Variants in BRSK2 observed in about 807,000 individuals in gnomAD.
BRSK2 encodes BR serine/threonine kinase 2, also known as serine/threonine-protein kinase BRSK2.
Under a neutral mutation model 83.3 loss-of-function variants are expected in BRSK2, and 19 were observed. The observed-to-expected ratio is 0.23, with a 90% CI of 0.16 to 0.33. The LOEUF (loss-of-function observed/expected upper bound fraction) is 0.33. Ranked by LOEUF, BRSK2 falls within the 10% of genes least tolerant of loss-of-function variation. The probability of loss-of-function intolerance (pLI) is 1.00; values close to 1 mark genes in which losing one functional copy is unlikely to be tolerated. For missense variants in BRSK2, 798 were observed against 1,042.3 expected (o/e 0.77, Z 3.23); for synonymous variants, 519 against 435.4 (o/e 1.19, Z -2.39).
intron 5 of BRSK2, 44 bp downstream of exon 5, chr11:1,442,650 G>A (rs761136668): frequency 2.0e-6 from 3 of 1,515,310 alleles, no homozygotes; most frequent in East Asian, 4.5e-5. Context: ...GGACAGGCTG[G>A]GCTGGGGGAA....
In BRSK2 at chr11:1,454,147, G is replaced by A. The variant is rs547742712; in HGVS notation, c.1545-338G>A. The A allele has an allele frequency of 4.8e-4, 94 of 196,926 alleles. No homozygotes were observed. The highest frequency in any genetic ancestry group is 1.9e-3 in the African/African-American group (84 of 43,292). 12.2% of individuals were successfully genotyped at this position (196,926 alleles called of 1,614,324 possible). On this transcript the variant is annotated intron_variant, in intron 15 of 19. Coordinates refer to ENST00000528841, the MANE Select transcript of BRSK2 (RefSeq NM_001256627.2). This position sits in a 1 kb window ranked among gnomAD's most constrained non-coding sequence, Gnocchi z 5.2. The stretch of plus-strand genomic sequence containing the variant: ...CCCAGCTTGAGCCACCTCTCACAGC[G>A]GCCTTGGTGAGGGGGGGCTCACCTG...
chr11:1,418,936 A>G (rs1330780831), intron 1 of BRSK2, among the ~76,000 whole-genome samples: 1 of 152,190 alleles, frequency 6.6e-6, no homozygotes, highest in Non-Finnish European at 1.5e-5. Flanking sequence ...TTTTTTCTGT[A>G]GTGCCATAAG....
chr11:1,406,549 G>T (rs1466640723), intron 1 of BRSK2, among the ~76,000 whole-genome samples: 1 of 152,230 alleles, frequency 6.6e-6, no homozygotes, highest in East Asian at 1.9e-4. Context: ...ATTGCATGGG[G>T]GGCGAGCGGA....
chr11:1,397,963 G>A (rs1846224376), intron 1 of BRSK2, among the ~76,000 whole-genome samples: 1 of 152,182 alleles, frequency 6.6e-6, no homozygotes, highest in East Asian at 1.9e-4. Flanking sequence ...GGCCCTGGAG[G>A]GCAGGCTGGC....
At chr11:1,460,429 CCTCTTT>C in intron 19 of BRSK2, 65 bp from the exon 20 acceptor site, 2 of 1,009,692 alleles carry the variant, frequency 2.0e-6, no homozygotes. Flanking sequence ...TCCCTCCCCT[CCTCTTT>C]CTCTCCCCCT....
At chr11:1,443,769 G>C in intron 8 of BRSK2, 134 bp downstream of exon 8, 4 of 1,194,232 alleles carry the variant, frequency 3.3e-6, no homozygotes, top group Non-Finnish European at 4.5e-6. Context: ...CAGGTGTGTG[G>C]ACGTGTGCAC....
In BRSK2 at chr11:1,423,401, T is replaced by C. The variant is rs1055313015; in HGVS notation, c.92-12639T>C. 6.6e-6 allele frequency among the ~76,000 whole-genome samples: 1 copy of C among 151,818 alleles called. No homozygotes were observed. Among genetic ancestry groups the C allele is most frequent in the African/African-American group, 2.4e-5 (1 of 41,334 alleles). On this transcript the variant is annotated intron_variant, in intron 1 of 19. Coordinates refer to ENST00000528841, the MANE Select transcript of BRSK2 (RefSeq NM_001256627.2). This position sits in a 1 kb window ranked among gnomAD's most constrained non-coding sequence, Gnocchi z 6.5. ...GCCAGGTTCAGGCACGTGGAGAGTGTGTGTGGGGAGAAGTTCTGAGACTGT... is the reference window on the plus strand; with the variant it reads ...GCCAGGTTCAGGCACGTGGAGAGTGCGTGTGGGGAGAAGTTCTGAGACTGT...
At chr11:1,435,894 C>T (rs1326210950) in intron 1 of BRSK2, 146 bp from the exon 2 acceptor site, 1 of 592,812 alleles carries the variant, frequency 1.7e-6, no homozygotes, top group Non-Finnish European at 3.0e-6. Context: ...GACAGCGACC[C>T]AGGCGGGCAG....
rs749656555 is a variant in BRSK2, at chr11:1,411,051, G to A, written c.91+20676G>A. The A allele has an allele frequency of 9.2e-5, 100 of 1,087,040 alleles. No individual in the cohort carries two copies. In the Middle Eastern group the frequency reaches 2.8e-3, roughly 30 times the overall value. The allele number at this position is 1,087,040 out of a possible 1,614,324, so 67.3% of individuals were successfully genotyped here. On this transcript the variant is annotated intron_variant, in intron 1 of 19. Transcript: ENST00000528841. Reference sequence around the variant, plus strand: ...TTCTGCTCCCATCACCATGGCAACAGATGGAGATTTGGCAGGAAGGAGGAG... The same window carrying A: ...TTCTGCTCCCATCACCATGGCAACAAATGGAGATTTGGCAGGAAGGAGGAG...
intron 1 of BRSK2, among the ~76,000 whole-genome samples, chr11:1,402,703 C>T (rs1846566382): frequency 6.6e-6 from 1 of 152,180 alleles, no homozygotes; most frequent in Non-Finnish European, 1.5e-5. Flanking sequence ...GAGGCCAGGA[C>T]AGAAAAGGCC....
chr11:1,444,403 C>T (rs1851743439), intron 8 of BRSK2, among the ~76,000 whole-genome samples: 1 of 152,160 alleles, frequency 6.6e-6, no homozygotes, highest in African/African-American at 2.4e-5. Context: ...TGGCCACTGC[C>T]TCACACCCCA....
In BRSK2 at chr11:1,435,869, C is replaced by G. The variant is rs568790642; in HGVS notation, c.92-171C>G. On this transcript the variant is annotated intron_variant, in intron 1 of 19. Transcript: ENST00000528841. ...CTTTGCAGGGGCAGCGTGACGCCAG[C>G]ACTGAGCTGTTCTGGACAGCGACCC... 7.4e-4 allele frequency among the ~76,000 whole-genome samples: 112 copies of G among 151,880 alleles called. 1 individual carries two copies. Among genetic ancestry groups the G allele is most frequent in the Non-Finnish European group, 2.9e-4 (20 of 67,922 alleles).
At chr11:1,452,708 G>A (rs754568372) in intron 15 of BRSK2, among the ~76,000 whole-genome samples, 22 of 148,802 alleles carry the variant, frequency 1.5e-4, no homozygotes, top group Admixed American at 6.0e-4. Context: ...TGCGACAGCC[G>A]TTCCCGAGGG....
chr11:1,399,782 G>A (rs556442395), intron 1 of BRSK2, among the ~76,000 whole-genome samples: 18 of 152,286 alleles, frequency 1.2e-4, no homozygotes, highest in East Asian at 1.9e-4. Context: ...CAAATTCCCC[G>A]GTGCCGTCGG....
chr11:1,390,675 G>T lies in BRSK2; in HGVS notation c.91+300G>T, dbSNP rs892089577. Among the ~76,000 whole-genome samples, 1 of 149,146 alleles carries T rather than the reference G, an allele frequency of 6.7e-6. No homozygotes were observed. Among genetic ancestry groups the T allele is most frequent in the African/African-American group, 2.4e-5 (1 of 41,000 alleles). Reference sequence around the variant, plus strand: ...CCCTCGGGCCCCGCTGCAGGTGCGCGGCCCGGGCCGCATTGTGCGCCCCAG... The same window carrying T: ...CCCTCGGGCCCCGCTGCAGGTGCGCTGCCCGGGCCGCATTGTGCGCCCCAG... On this transcript the variant is annotated intron_variant, in intron 1 of 19. Coordinates refer to ENST00000528841, the MANE Select transcript of BRSK2 (RefSeq NM_001256627.2). The surrounding 1 kb of genome is among the most constrained non-coding windows in gnomAD (Gnocchi z 6.8).
In BRSK2 at chr11:1,428,829, A is replaced by G. The variant is rs371559457; in HGVS notation, c.92-7211A>G. On this transcript the variant is annotated intron_variant, in intron 1 of 19. Coordinates refer to ENST00000528841, the MANE Select transcript of BRSK2 (RefSeq NM_001256627.2). The stretch of plus-strand genomic sequence containing the variant: ...GGTGTATGTATGCAGTCGTGTGTAC[A>G]TGCATGGGTGTGTGTACAGGCGTGC... Among the ~76,000 whole-genome samples the G allele has an allele frequency of 7.1e-4, 108 of 151,256 alleles. No individual in the cohort carries two copies. In the Middle Eastern group the frequency reaches 0.031, roughly 43 times the overall value.
Position 1,411,231 on chromosome 11 carries a change from G to C in BRSK2, c.91+20856G>C, listed in dbSNP as rs1847461596. 9.5e-6 allele frequency: 12 copies of C among 1,265,084 alleles called. No individual in the cohort carries two copies. In the South Asian group the frequency reaches 3.2e-4, roughly 34 times the overall value. The allele number at this position is 1,265,084 out of a possible 1,614,324, so 78.4% of individuals were successfully genotyped here. A position where few individuals can be genotyped will look rare whatever the true frequency, so the allele number is the denominator to read the frequency against. Reference sequence around the variant, plus strand: ...GGAGAGCGGGTTCTGGACGTGCTCTGAGCTTCCTTCCTCACAGCCTTGCTC... The same window carrying C: ...GGAGAGCGGGTTCTGGACGTGCTCTCAGCTTCCTTCCTCACAGCCTTGCTC... On this transcript the variant is annotated intron_variant, in intron 1 of 19. Coordinates refer to ENST00000528841, the MANE Select transcript of BRSK2 (RefSeq NM_001256627.2).
At chr11:1,445,264 A>G in intron 9 of BRSK2, 30 bp from the exon 10 acceptor site, 2 of 1,583,222 alleles carry the variant, frequency 1.3e-6, no homozygotes, top group Non-Finnish European at 1.7e-6. Context: ...GCCGGAGCTG[A>G]TGAGCGGGTG....
Position 1,454,436 on chromosome 11 carries a change from G to A in BRSK2, c.1545-49G>A. The A allele has an allele frequency of 6.2e-7, 1 of 1,608,408 alleles. No homozygotes were observed. The highest frequency in any genetic ancestry group is 8.5e-7 in the Non-Finnish European group (1 of 1,177,240). ...CCAGATTCGAGGGAGGCAGGGGTGT[G>A]GACGGTGCCACACCTCAATCCTCAC... On this transcript the variant is annotated intron_variant, in intron 15 of 19. Coordinates refer to ENST00000528841, the MANE Select transcript of BRSK2 (RefSeq NM_001256627.2). The surrounding 1 kb of genome is among the most constrained non-coding windows in gnomAD (Gnocchi z 5.2).
Sources: gnomAD v4.1 joint callset for allele counts (sites outside exome capture counted in the v4.1 genomes callset) on GRCh38, gnomAD v4.1.1 for gene constraint, Gnocchi (gnomAD v3.1) non-coding constraint, MANE v1.5 for transcripts, NCBI Gene and HGNC (gene_info 2026-07-23, HGNC 2026-07-21) for gene names.